The following C19orf18 variants were observed in gnomAD, a reference collection of about 807,000 sequenced individuals.
The protein encoded by C19orf18 is chromosome 19 open reading frame 18.
A neutral mutation model predicts 23.3 loss-of-function variants in C19orf18; 21 were observed. That is an observed-to-expected ratio of 0.90 (90% CI 0.64 to 1.30). The LOEUF is 1.30. Ranked by LOEUF, C19orf18 falls within the 50% of genes most tolerant of loss-of-function variation. The pLI, the probability that C19orf18 is intolerant of heterozygous loss-of-function variation, is 0.00. For missense variants in C19orf18, 249 were observed against 259.6 expected (o/e 0.96, Z 0.28); for synonymous variants, 96 against 95.2 (o/e 1.01, Z -0.05).
rs748172866 is a variant in C19orf18 at position 57,958,624 on chromosome 19, T to C, written c.626A>G (p.Asn209Ser). The change falls in exon 6 of 6, where the codon AAT (asparagine) becomes AGT (serine). Residue 209 changes from asparagine (N) to serine (S), a missense_variant. By Grantham distance (46) the Asn-to-Ser change is conservative (BLOSUM62 1). Transcript: ENST00000314391. ...TENKTKNASH[N>S]GKMEDL ...CGTTCACAAGTCTTCCATTTTTCCA[T>C]TATGTGACGCATTCTTTGTTTTGTT... is the stretch of plus-strand genomic sequence containing the variant. The C allele has an allele frequency of 4.4e-6, 7 of 1,606,132 alleles. No homozygotes were observed. The highest frequency in any genetic ancestry group is 6.0e-6 in the Non-Finnish European group (7 of 1,176,084).
At position 57,971,972 on chromosome 19, in the gene C19orf18, G is replaced by GGGTA. The variant is rs201516856; in HGVS notation, c.268+487_268+490dup. On this transcript the variant is annotated intron_variant, in intron 3 of 5. Coordinates refer to ENST00000314391, the MANE Select transcript of C19orf18 (RefSeq NM_152474.5). ...GGCTACATGTGAAAGCAGTGGAGAT[G>GGGTA]GGTAGGTGGTGGGGGAGCTGACTCA... Among the ~76,000 whole-genome samples the GGGTA allele has an allele frequency of 4.7e-3, 714 of 152,280 alleles. 3 individuals are homozygous for GGGTA. Among genetic ancestry groups the GGGTA allele is most frequent in the Admixed American group, 7.6e-3 (116 of 15,298 alleles).
chr19:57,967,431 C>G (rs2072916515), intron 3 of C19orf18, among the ~76,000 whole-genome samples: 1 of 152,052 alleles, frequency 6.6e-6, no homozygotes, highest in Non-Finnish European at 1.5e-5. Flanking sequence ...GCTGCTGTAA[C>G]AAAACACCAC....
chr19:57,969,411 C>T (rs776666724), intron 3 of C19orf18, among the ~76,000 whole-genome samples: 1 of 150,024 alleles, frequency 6.7e-6, no homozygotes, highest in Non-Finnish European at 1.5e-5. Flanking sequence ...AAAAATTAGC[C>T]GGGTGTGGTG....
rs59100128 is a variant in C19orf18, at chr19:57,969,566, G to GAAAAAAAAAAAAAAA, written c.268+2882_268+2896dup. Among the ~76,000 whole-genome samples the GAAAAAAAAAAAAAAA allele has an allele frequency of 1.1e-3, 49 of 46,506 alleles. 1 individual carries two copies. Among genetic ancestry groups the GAAAAAAAAAAAAAAA allele is most frequent in the Non-Finnish European group, 1.2e-3 (34 of 28,482 alleles). The allele number at this position is 46,506 out of a possible 152,430, so 30.5% of individuals were successfully genotyped here. A position where few individuals can be genotyped will look rare whatever the true frequency, so the allele number is the denominator to read the frequency against. On this transcript the variant is annotated intron_variant, in intron 3 of 5. Coordinates refer to ENST00000314391, the MANE Select transcript of C19orf18 (RefSeq NM_152474.5). The stretch of plus-strand genomic sequence containing the variant: ...TGAGACTCTGTCTTAAAAAAAAACA[G>GAAAAAAAAAAAAAAA]AAAAAAAAAAAAAAAAAAAAAAAAA...
intron 3 of C19orf18, among the ~76,000 whole-genome samples, chr19:57,971,135 C>T (rs969358088): frequency 4.6e-5 from 7 of 152,244 alleles, no homozygotes; most frequent in African/African-American, 1.7e-4. Context: ...TGGATGTATT[C>T]ATCACGTTTT....
In C19orf18 at chr19:57,958,625, T is replaced by A; in HGVS notation, c.625A>T (p.Asn209Tyr). 6.2e-7 allele frequency: 1 copy of A among 1,606,620 alleles called. No homozygotes were observed. The highest frequency in any genetic ancestry group is 8.5e-7 in the Non-Finnish European group (1 of 1,176,446). Residue 209 changes from asparagine to tyrosine, a missense_variant, in exon 6 of 6, where the codon AAT becomes TAT. Coordinates refer to ENST00000314391, the MANE Select transcript of C19orf18 (RefSeq NM_152474.5). ...GTTCACAAGTCTTCCATTTTTCCAT[T>A]ATGTGACGCATTCTTTGTTTTGTTT... Reference protein sequence around the residue: ...TENKTKNASHNGKMEDL With the variant: ...TENKTKNASHYGKMEDL
intron 3 of C19orf18, among the ~76,000 whole-genome samples, chr19:57,970,381 T>C (rs949352987): frequency 2.0e-5 from 3 of 152,226 alleles, no homozygotes; most frequent in Non-Finnish European, 4.4e-5. Context: ...TGTCAGTCTC[T>C]GCACATATAA....
chr19:57,960,932 C>G (rs2072865934), intron 5 of C19orf18, among the ~76,000 whole-genome samples: 1 of 152,160 alleles, frequency 6.6e-6, no homozygotes, highest in Non-Finnish European at 1.5e-5. Context: ...GTAATCCCAG[C>G]ACTTTGGGAG....
intron 3 of C19orf18, among the ~76,000 whole-genome samples, chr19:57,972,144 A>G (rs1453517937): frequency 6.6e-6 from 1 of 152,198 alleles, no homozygotes; most frequent in African/African-American, 2.4e-5. Flanking sequence ...GACAAGCCAC[A>G]GTGGGGAGAG....
chr19:57,962,970 G>A (rs1184452006), intron 4 of C19orf18, among the ~76,000 whole-genome samples: 3 of 151,894 alleles, frequency 2.0e-5, no homozygotes, highest in Non-Finnish European at 2.9e-5. Context: ...GCCTCAGTGC[G>A]AAATGTAAGG....
chr19:57,969,896 AG>A (rs1357560539), intron 3 of C19orf18, among the ~76,000 whole-genome samples: 19 of 151,072 alleles, frequency 1.3e-4, no homozygotes, highest in Non-Finnish European at 2.5e-4. Context: ...AAAAAAAAAA[AG>A]TAATAGCATT....
intron 3 of C19orf18, among the ~76,000 whole-genome samples, chr19:57,969,005 A>T (rs1028125685): frequency 6.6e-6 from 1 of 152,092 alleles, no homozygotes; most frequent in African/African-American, 2.4e-5. Context: ...ATTCAAATCT[A>T]TATTTGCTCA....
Position 57,974,361 on chromosome 19 carries a change from C to G in C19orf18, c.72G>C (p.Leu24Phe). 6.2e-7 allele frequency: 1 copy of G among 1,614,040 alleles called. No individual in the cohort carries two copies. The highest frequency in any genetic ancestry group is 8.5e-7 in the Non-Finnish European group (1 of 1,179,976). The stretch of plus-strand genomic sequence containing the variant: ...TGGGATGGAGTCCATCTGCATACGG[C>G]AAGCATAAATGAAGTTGGCATTCCA... Reference protein sequence around the residue: ...FLMECQLHLCLPYADGLHPTG... With the variant: ...FLMECQLHLCFPYADGLHPTG... Residue 24 changes from leucine to phenylalanine, a missense_variant, in exon 1 of 6, where the codon TTG becomes TTC. Leu to Phe is a conservative substitution (Grantham distance 22). Transcript: ENST00000314391.
rs755437896 is a variant in C19orf18, at chr19:57,958,744, G to T, written c.533-27C>A. ...TAAAATGTAGAAATGATGTTATTGA[G>T]ATAGTAATAAGTGAGGAATAAAAAT... On this transcript the variant is annotated intron_variant, in intron 5 of 5. Coordinates refer to ENST00000314391, the MANE Select transcript of C19orf18 (RefSeq NM_152474.5). 5 of 1,304,572 alleles carry T rather than the reference G, an allele frequency of 3.8e-6. No individual in the cohort carries two copies. The African/African-American group carries it at 7.5e-5, about 19-fold the overall frequency. 80.8% of individuals were successfully genotyped at this position (1,304,572 alleles called of 1,614,324 possible).
intron 4 of C19orf18, among the ~76,000 whole-genome samples, chr19:57,964,306 T>C (rs527994039): frequency 2.0e-5 from 3 of 152,262 alleles, no homozygotes; most frequent in South Asian, 4.1e-4. Flanking sequence ...TTTTGAGACA[T>C]GGTCTCACTC....
chr19:57,961,983 CCTTT>C (rs1006134870), intron 4 of C19orf18, among the ~76,000 whole-genome samples: 4 of 149,052 alleles, frequency 2.7e-5, no homozygotes, highest in South Asian at 2.1e-4. Flanking sequence ...TCTCTCTCTC[CCTTT>C]CTCTTTCCCT....
intron 5 of C19orf18, among the ~76,000 whole-genome samples, chr19:57,960,524 A>G (rs1483152430): frequency 6.6e-6 from 1 of 151,902 alleles, no homozygotes; most frequent in Non-Finnish European, 1.5e-5. Context: ...TGTGGTGGGC[A>G]TGGCATGCTG....
At chr19:57,963,670 G>A (rs1044770480) in intron 4 of C19orf18, among the ~76,000 whole-genome samples, 26 of 152,010 alleles carry the variant, frequency 1.7e-4, no homozygotes, top group African/African-American at 6.3e-4. Context: ...GGCGGATCAC[G>A]AGGTCAGGAG....
At chr19:57,968,898 A>G (rs1214945875) in intron 3 of C19orf18, among the ~76,000 whole-genome samples, 2 of 152,078 alleles carry the variant, frequency 1.3e-5, no homozygotes, top group African/African-American at 4.8e-5. Flanking sequence ...CTCCTTTTCA[A>G]ACTCACACAA....
Sources: gnomAD v4.1 joint callset for allele counts (sites outside exome capture counted in the v4.1 genomes callset) on GRCh38, gnomAD v4.1.1 for gene constraint, MANE v1.5 for transcripts, NCBI Gene and HGNC (gene_info 2026-07-23, HGNC 2026-07-21) for gene names.